The following GHR variants were observed in gnomAD, a reference collection of about 807,000 sequenced individuals.
The protein encoded by GHR is GH receptor.
A neutral mutation model predicts 67.1 loss-of-function variants in GHR; 35 were observed. That is an observed-to-expected ratio of 0.52 (90% CI 0.40 to 0.69). GHR has a LOEUF of 0.69. GHR is among the 30% of genes least tolerant of loss of function. The probability of loss-of-function intolerance (pLI) is 0.00; values close to 1 mark genes in which losing one functional copy is unlikely to be tolerated. For missense variants in GHR, 792 were observed against 764.6 expected (o/e 1.04, Z -0.42); for synonymous variants, 272 against 269.1 (o/e 1.01, Z -0.10).
intron 1 of GHR, among the ~76,000 whole-genome samples, chr5:42,540,183 T>TTCTCTCTCTCTCTCTCTCTC (rs57962722): frequency 6.9e-6 from 1 of 144,398 alleles, no homozygotes; most frequent in East Asian, 2.1e-4. Flanking sequence ...TGTTACTGTA[T>TTCTCTCTCTCTCTCTCTCTC]TCTCTCTCTC....
chr5:42,479,596 T>C (rs1745515097), intron 1 of GHR, among the ~76,000 whole-genome samples: 1 of 152,252 alleles, frequency 6.6e-6, no homozygotes, highest in African/African-American at 2.4e-5. Flanking sequence ...ATTCAACTTC[T>C]TCCTGGTTTA....
chr5:42,560,096 A>G (rs1039234320), intron 1 of GHR, among the ~76,000 whole-genome samples: 5 of 152,204 alleles, frequency 3.3e-5, no homozygotes, highest in Non-Finnish European at 7.3e-5. Flanking sequence ...AATACTTGAT[A>G]CAAATTAGAG....
chr5:42,669,047 A>G (rs1164703928), intron 3 of GHR, among the ~76,000 whole-genome samples: 2 of 152,206 alleles, frequency 1.3e-5, no homozygotes, highest in Non-Finnish European at 2.9e-5. Flanking sequence ...AATCATTAAG[A>G]AACAGTGACT....
At chr5:42,517,309 A>G (rs1747281516) in intron 1 of GHR, among the ~76,000 whole-genome samples, 1 of 152,200 alleles carries the variant, frequency 6.6e-6, no homozygotes, top group African/African-American at 2.4e-5. Context: ...TCAAAACAGT[A>G]ACTGAACTTT....
At chr5:42,515,732 G>A (rs1454480998) in intron 1 of GHR, among the ~76,000 whole-genome samples, 1 of 152,238 alleles carries the variant, frequency 6.6e-6, no homozygotes, top group Non-Finnish European at 1.5e-5. Flanking sequence ...AGAAAATTTA[G>A]TGGGTGGTCC....
At chr5:42,689,147 T>C (rs1757302639) in intron 4 of GHR, 128 bp downstream of exon 4, 1 of 889,750 alleles carries the variant, frequency 1.1e-6, no homozygotes, top group East Asian at 2.4e-5. Flanking sequence ...ATTCATTCAC[T>C]CATTTATTGA....
chr5:42,708,264 T>G (rs1158698401), intron 6 of GHR, among the ~76,000 whole-genome samples: 9 of 152,178 alleles, frequency 5.9e-5, no homozygotes, highest in African/African-American at 1.9e-4. Flanking sequence ...ATTATTTATC[T>G]GTGTGAGGCC....
intron 1 of GHR, among the ~76,000 whole-genome samples, chr5:42,531,599 C>G (rs891555864): frequency 7.2e-5 from 11 of 152,044 alleles, no homozygotes; most frequent in Admixed American, 3.3e-4. Context: ...TTTTGAAGTT[C>G]ACCCTGGATT....
chr5:42,544,461 A>G (rs1748649631), intron 1 of GHR, among the ~76,000 whole-genome samples: 1 of 152,200 alleles, frequency 6.6e-6, no homozygotes, highest in African/African-American at 2.4e-5. Flanking sequence ...CAATTGGGTG[A>G]TATCTATGAA....
intron 3 of GHR, among the ~76,000 whole-genome samples, chr5:42,662,944 C>T (rs1755730128): frequency 6.6e-6 from 1 of 152,110 alleles, no homozygotes; most frequent in Non-Finnish European, 1.5e-5. Context: ...ATGCAAACTA[C>T]CATCAGAGAA....
At chr5:42,668,253 A>G (rs1226540059) in intron 3 of GHR, among the ~76,000 whole-genome samples, 3 of 152,182 alleles carry the variant, frequency 2.0e-5, no homozygotes, top group African/African-American at 7.2e-5. Context: ...GAGGCTTTCA[A>G]TTTTTATTTC....
At chr5:42,655,258 T>C (rs187122568) in intron 3 of GHR, among the ~76,000 whole-genome samples, 1 of 152,300 alleles carries the variant, frequency 6.6e-6, no homozygotes, top group Admixed American at 6.5e-5. Flanking sequence ...GCTCCTTTAA[T>C]ATTTTTCACA....
intron 1 of GHR, chr5:42,468,895 C>A: frequency 1.5e-6 from 1 of 686,280 alleles, no homozygotes; most frequent in Non-Finnish European, 2.4e-6. Flanking sequence ...CATTCCTCCA[C>A]GGATTGCAGC....
At chr5:42,592,838 G>T (rs369191617) in intron 2 of GHR, among the ~76,000 whole-genome samples, 1 of 152,126 alleles carries the variant, frequency 6.6e-6, no homozygotes, top group African/African-American at 2.4e-5. Flanking sequence ...CATAGTGGCT[G>T]AACTAATTTA....
At chr5:42,488,248 A>C (rs1225213403) in intron 1 of GHR, among the ~76,000 whole-genome samples, 1 of 152,242 alleles carries the variant, frequency 6.6e-6, no homozygotes, top group Non-Finnish European at 1.5e-5. Flanking sequence ...TTTTTAATTT[A>C]GTACACATGA....
chr5:42,424,872 T>G lies in GHR; in HGVS notation c.-12+917T>G. 1 of 409,680 alleles carries G rather than the reference T, an allele frequency of 2.4e-6. No homozygotes were observed. The highest frequency in any genetic ancestry group is 3.3e-6 in the Non-Finnish European group (1 of 303,606). The allele number at this position is 409,680 out of a possible 1,614,324, so 25.4% of individuals were successfully genotyped here. On this transcript the variant is annotated intron_variant, in intron 1 of 9. Transcript: ENST00000230882. This position sits in a 1 kb window ranked among gnomAD's most constrained non-coding sequence, Gnocchi z 4.1. ...CGGGGGCTCTCGGTCTGGCGCGGAC[T>G]GTGTGTCCTGAATGAGTGTACGTGT...
At chr5:42,663,259 C>T (rs1342483888) in intron 3 of GHR, among the ~76,000 whole-genome samples, 1 of 152,192 alleles carries the variant, frequency 6.6e-6, no homozygotes, top group African/African-American at 2.4e-5. Flanking sequence ...CCAGCATCAT[C>T]CTGATACCAA....
intron 2 of GHR, among the ~76,000 whole-genome samples, chr5:42,599,761 G>A (rs1752272418): frequency 6.6e-6 from 1 of 152,146 alleles, no homozygotes; most frequent in Non-Finnish European, 1.5e-5. Flanking sequence ...TTTGTGTCCA[G>A]CTTCTTTTTT....
At chr5:42,510,523 A>G (rs1260241707) in intron 1 of GHR, among the ~76,000 whole-genome samples, 1 of 152,210 alleles carries the variant, frequency 6.6e-6, no homozygotes, top group East Asian at 1.9e-4. Context: ...TACTTTGAAA[A>G]ATAACAGGTC....
Sources: gnomAD v4.1 joint callset for allele counts (sites outside exome capture counted in the v4.1 genomes callset) on GRCh38, gnomAD v4.1.1 for gene constraint, Gnocchi (gnomAD v3.1) non-coding constraint, MANE v1.5 for transcripts, NCBI Gene and HGNC (gene_info 2026-07-23, HGNC 2026-07-21) for gene names.